The following NTNG1 variants were observed in gnomAD, a reference collection of about 807,000 sequenced individuals.
NTNG1 encodes the protein netrin-G1.
Under a neutral mutation model 54.0 loss-of-function variants are expected in NTNG1, and 16 were observed. That is an observed-to-expected ratio of 0.30 (90% confidence interval 0.20 to 0.45). NTNG1 has a LOEUF of 0.45. Ranked by LOEUF, NTNG1 falls within the 20% of genes least tolerant of loss-of-function variation. NTNG1 has a pLI of 1.00. For synonymous variants in NTNG1, 255 were observed against 263.1 expected (o/e 0.97, Z 0.30); for missense variants, 530 against 678.7 (o/e 0.78, Z 2.43).
At chr1:107,279,420 A>G (rs1026940993) in intron 2 of NTNG1, among the ~76,000 whole-genome samples, 4 of 152,146 alleles carry the variant, frequency 2.6e-5, no homozygotes, top group African/African-American at 9.7e-5. Flanking sequence ...ATTATTTAAC[A>G]ACTAGCGTGA....
At chr1:107,212,308 G>C (rs989403957) in intron 2 of NTNG1, among the ~76,000 whole-genome samples, 23 of 152,060 alleles carry the variant, frequency 1.5e-4, no homozygotes, top group African/African-American at 5.6e-4. Context: ...CATTTAATGA[G>C]TGCTCACTCT....
At chr1:107,199,793 A>T (rs774586655) in intron 2 of NTNG1, among the ~76,000 whole-genome samples, 1 of 151,882 alleles carries the variant, frequency 6.6e-6, no homozygotes, top group Non-Finnish European at 1.5e-5. Flanking sequence ...AAGTAAAGTG[A>T]CTATTTCAGT....
At chr1:107,419,765 T>C (rs757209560) in intron 5 of NTNG1, among the ~76,000 whole-genome samples, 2 of 151,734 alleles carry the variant, frequency 1.3e-5, no homozygotes, top group African/African-American at 2.4e-5. Context: ...CAAAACAAAA[T>C]ATATTAGTAA....
At chr1:107,185,675 G>T (rs12092065) in intron 2 of NTNG1, among the ~76,000 whole-genome samples, 1 of 152,062 alleles carries the variant, frequency 6.6e-6, no homozygotes, top group Non-Finnish European at 1.5e-5. Context: ...TGAAAGTTAC[G>T]TAGCATCGTT....
intron 1 of NTNG1, among the ~76,000 whole-genome samples, chr1:107,145,074 A>G (rs751792111): frequency 2.6e-5 from 4 of 152,032 alleles, no homozygotes; most frequent in Non-Finnish European, 4.4e-5. Context: ...TAAGTCCCCA[A>G]ATATGTTATT....
At chr1:107,343,681 C>G (rs189631136) in intron 3 of NTNG1, among the ~76,000 whole-genome samples, 1 of 152,160 alleles carries the variant, frequency 6.6e-6, no homozygotes, top group African/African-American at 2.4e-5. Context: ...TGAGGGCCAC[C>G]AAAAAGAGCC....
intron 2 of NTNG1, among the ~76,000 whole-genome samples, chr1:107,195,616 C>G (rs1389150750): frequency 6.6e-6 from 1 of 151,988 alleles, no homozygotes; most frequent in East Asian, 1.9e-4. Flanking sequence ...CAGGCAGACA[C>G]ACACACACAC....
chr1:107,333,688 G>GTAAAACAGTTTGTTTTACACTGTTTTA (rs1230909100), intron 3 of NTNG1, among the ~76,000 whole-genome samples: 23 of 151,720 alleles, frequency 1.5e-4, no homozygotes, highest in Non-Finnish European at 2.5e-4. Flanking sequence ...TAAACTATTT[G>GTAAAACAGTTTGTTTTACACTGTTTTA]CAGTGCTAAA....
chr1:107,471,094 A>T (rs949174651), intron 7 of NTNG1, among the ~76,000 whole-genome samples: 1 of 152,158 alleles, frequency 6.6e-6, no homozygotes, highest in Admixed American at 6.5e-5. Flanking sequence ...TGGTTTGGCA[A>T]AAGAAAGTGT....
At chr1:107,416,156 G>A (rs1674182802) in intron 5 of NTNG1, among the ~76,000 whole-genome samples, 1 of 152,008 alleles carries the variant, frequency 6.6e-6, no homozygotes. Context: ...ATTTTTACAG[G>A]ATAACATTTT....
At chr1:107,467,775 C>T (rs1263915665) in intron 7 of NTNG1, among the ~76,000 whole-genome samples, 2 of 152,176 alleles carry the variant, frequency 1.3e-5, no homozygotes, top group Non-Finnish European at 2.9e-5. Context: ...CCTTTCTTAG[C>T]CTTGCTGATG....
Position 107,148,435 on chromosome 1 carries a change from T to C in NTNG1, c.-159T>C. 1 of 649,164 alleles carries C rather than the reference T, an allele frequency of 1.5e-6. No individual in the cohort carries two copies. The highest frequency in any genetic ancestry group is 2.7e-6 in the Non-Finnish European group (1 of 376,052). The allele number at this position is 649,164 out of a possible 1,614,324, so 40.2% of individuals were successfully genotyped here. ...TAACTCTTCATATTTGGTTTTGGGA[T>C]CTGCTTTGAGGTCCCATCTTCATTT... On this transcript the variant is annotated 5_prime_UTR_variant, in exon 2 of 8. Coordinates refer to ENST00000370068, the MANE Select transcript of NTNG1 (RefSeq NM_001113226.3).
rs188859882 is a variant in NTNG1 at position 107,449,436 on chromosome 1, C to T, written c.1390+12637C>T. Among the ~76,000 whole-genome samples, 28 of 151,992 alleles carry T rather than the reference C, an allele frequency of 1.8e-4. No homozygotes were observed. In the East Asian group the frequency reaches 4.5e-3, roughly 24 times the overall value. ...TACATATTTAGCAATTATACATTTT[C>T]GGAGAGATTTAATCCAGCCGTGAAT... On this transcript the variant is annotated intron_variant, in intron 7 of 7. Coordinates refer to ENST00000370068, the MANE Select transcript of NTNG1 (RefSeq NM_001113226.3).
At chr1:107,244,800 A>C (rs7539647) in intron 2 of NTNG1, among the ~76,000 whole-genome samples, 1,754 of 152,124 alleles carry the variant, frequency 0.012, 30 homozygotes, top group African/African-American at 0.04. Flanking sequence ...GAACAGCAGG[A>C]CCTTGACTGT....
chr1:107,323,778 C>T (rs1242934698), intron 2 of NTNG1, among the ~76,000 whole-genome samples: 1 of 151,710 alleles, frequency 6.6e-6, no homozygotes, highest in African/African-American at 2.4e-5. Context: ...CAGGGAAAGC[C>T]AAAAAAAAAG....
At chr1:107,258,951 C>A (rs916484971) in intron 2 of NTNG1, among the ~76,000 whole-genome samples, 1 of 151,894 alleles carries the variant, frequency 6.6e-6, no homozygotes, top group African/African-American at 2.4e-5. Context: ...GCATGTGTTA[C>A]CTGAAAAATC....
chr1:107,226,731 A>G (rs1365874286), intron 2 of NTNG1, among the ~76,000 whole-genome samples: 1 of 152,100 alleles, frequency 6.6e-6, no homozygotes, highest in Admixed American at 6.5e-5. Flanking sequence ...CTCAGTTATT[A>G]CACAGAGAGT....
chr1:107,157,826 A>C (rs1424995491), intron 2 of NTNG1, among the ~76,000 whole-genome samples: 1 of 152,082 alleles, frequency 6.6e-6, no homozygotes, highest in East Asian at 1.9e-4. Flanking sequence ...TATATATGTA[A>C]TATTTGGACC....
At chr1:107,334,036 G>C (rs554520755) in intron 3 of NTNG1, 20 of 152,010 alleles carry the variant, frequency 1.3e-4, no homozygotes, top group African/African-American at 4.1e-4. Context: ...TAGATAAATA[G>C]AGATGCTAAA....
Sources: gnomAD v4.1 joint callset for allele counts (sites outside exome capture counted in the v4.1 genomes callset) on GRCh38, gnomAD v4.1.1 for gene constraint, MANE v1.5 for transcripts, NCBI Gene and HGNC (gene_info 2026-07-23, HGNC 2026-07-21) for gene names.